ZNF43: variants seen among roughly 807,000 people sequenced by gnomAD.
The protein encoded by ZNF43 is zinc finger protein 43.
A neutral mutation model predicts 68.4 loss-of-function variants in ZNF43; 44 were observed. The observed-to-expected ratio is 0.64, with a 90% CI of 0.51 to 0.83. ZNF43 has a LOEUF of 0.83. Among genes scored for constraint, ZNF43 ranks in the 40% least tolerant of loss-of-function variants. The probability of loss-of-function intolerance (pLI) is 0.00; values close to 1 mark genes in which losing one functional copy is unlikely to be tolerated. For synonymous variants in ZNF43, 308 were observed against 307.8 expected, an observed-to-expected ratio of 1.00 and a Z score of -0.01; for missense variants, 896 against 933.2, an observed-to-expected ratio of 0.96 and a Z score of 0.52.
upstream of ZNF43, among the ~76,000 whole-genome samples, chr19:21,838,377 C>T (rs1480709439): frequency 6.6e-6 from 1 of 150,770 alleles, no homozygotes; most frequent in Non-Finnish European, 1.5e-5. Context: ...ATTGCTACAT[C>T]TTTCAGAATA....
Position 21,807,595 on chromosome 19 carries a change from C to A in ZNF43, c.*12G>T. The A allele has an allele frequency of 1.3e-6, 2 of 1,520,130 alleles. No individual in the cohort carries two copies. Among genetic ancestry groups the A allele is most frequent in the South Asian group, 2.7e-5 (2 of 73,232 alleles). 94.2% of individuals were successfully genotyped at this position (1,520,130 alleles called of 1,614,324 possible). On this transcript the variant is annotated 3_prime_UTR_variant, in exon 4 of 4. Transcript: ENST00000354959. ...CATTCTTTACATTTCTAGAATTTCT[C>A]ACCAGTATAATTTATTTTATGTTTG...
chr19:21,808,638 A>C lies in ZNF43; in HGVS notation c.1399T>G (p.Ser467Ala). The change falls in exon 4 of 4, where the codon TCA (serine) becomes GCA (alanine). Residue 467 changes from serine to alanine, a missense_variant. By Grantham distance (99) the Ser-to-Ala change is moderately conservative. Coordinates refer to ENST00000354959, the MANE Select transcript of ZNF43 (RefSeq NM_003423.4). The stretch of plus-strand genomic sequence containing the variant: ...ATTCTCTTATGTGTAGTAAGGTTTG[A>C]GAACTGGTTAAAGGCTTTGCCACAT... ...EVCGKAFNQF[S>A]NLTTHKRIHT... The C allele has an allele frequency of 1.2e-6, 2 of 1,613,660 alleles. No individual in the cohort carries two copies. Among genetic ancestry groups the C allele is most frequent in the Non-Finnish European group, 1.7e-6 (2 of 1,179,878 alleles).
chr19:21,843,297 T>A, intron 1 of ZNF43: 1 of 900,794 alleles, frequency 1.1e-6, no homozygotes, highest in Non-Finnish European at 1.3e-6. Context: ...TCGCTCACAT[T>A]CTGAGCAGAG....
At chr19:21,839,371 T>TAAAAA (rs1967353783), upstream of ZNF43, among the ~76,000 whole-genome samples, 1 of 105,488 alleles carries the variant, frequency 9.5e-6, no homozygotes. Flanking sequence ...TCACATAACC[T>TAAAAA]AAGAGCTGGG....
chr19:21,834,801 G>A (rs559228727), intron 1 of ZNF43, among the ~76,000 whole-genome samples: 94 of 150,260 alleles, frequency 6.3e-4, no homozygotes, highest in Non-Finnish European at 1.2e-3. Flanking sequence ...AGGAAAGAAA[G>A]AAGAAGGAAA....
At chr19:21,847,779 G>C (rs897868325) in intron 1 of ZNF43, among the ~76,000 whole-genome samples, 1 of 152,110 alleles carries the variant, frequency 6.6e-6, no homozygotes, top group African/African-American at 2.4e-5. Flanking sequence ...GCAGGGTCCA[G>C]AGAAAAGGTG....
At chr19:21,826,204 C>T (rs908302805) in intron 1 of ZNF43, among the ~76,000 whole-genome samples, 7 of 152,108 alleles carry the variant, frequency 4.6e-5, no homozygotes, top group African/African-American at 1.7e-4. Context: ...TAGGGGACAT[C>T]ATACACTTTG....
In ZNF43 at chr19:21,835,887, C is replaced by G. The variant is rs1348992652; in HGVS notation, c.3+149G>C. On this transcript the variant is annotated intron_variant, in intron 1 of 3. Transcript: ENST00000354959. ...AGACAGGACGCCCGGGGCTGCCTCC[C>G]AGAGCAGCCGCCATCTTATGGCTGA... 5 of 1,385,616 alleles carry G rather than the reference C, an allele frequency of 3.6e-6. No individual in the cohort carries two copies. The East Asian group carries it at 1.2e-4, about 32-fold the overall frequency. The allele number at this position is 1,385,616 out of a possible 1,614,324, so 85.8% of individuals were successfully genotyped here.
chr19:21,850,703 G>C (rs1968290429), intron 1 of ZNF43, among the ~76,000 whole-genome samples: 1 of 152,196 alleles, frequency 6.6e-6, no homozygotes, highest in Non-Finnish European at 1.5e-5. Context: ...GCAGGGCTTA[G>C]CAATATGTAA....
chr19:21,807,656 T>A lies in ZNF43; in HGVS notation c.2381A>T (p.Asp794Val). The change falls in exon 4 of 4, where the codon GAT becomes GTT. Residue 794 changes from aspartate (D) to valine (V), a missense_variant. Physicochemically the swap from Asp to Val is radical, Grantham distance 152. Coordinates refer to ENST00000354959, the MANE Select transcript of ZNF43 (RefSeq NM_003423.4). ...HTGEKLYKPE[D>V]VTVILTTPQT... Reference sequence around the variant, plus strand: ...AGGTGTTGTCAAAATCACTGTCACATCTTCAGGTTTGTAGAGTTTCTCTCC... The same window carrying A: ...AGGTGTTGTCAAAATCACTGTCACAACTTCAGGTTTGTAGAGTTTCTCTCC... 1 of 1,579,862 alleles carries A rather than the reference T, an allele frequency of 6.3e-7. No homozygotes were observed. The highest frequency in any genetic ancestry group is 8.6e-7 in the Non-Finnish European group (1 of 1,164,674).
At chr19:21,837,162 T>C (rs950062002), upstream of ZNF43, among the ~76,000 whole-genome samples, 1 of 152,126 alleles carries the variant, frequency 6.6e-6, no homozygotes, top group Admixed American at 6.5e-5. Context: ...GAAACTGATG[T>C]AAAACATAAA....
intron 1 of ZNF43, among the ~76,000 whole-genome samples, chr19:21,819,639 T>C (rs1180313126): frequency 2.6e-5 from 4 of 152,190 alleles, no homozygotes; most frequent in African/African-American, 9.7e-5. Flanking sequence ...ATGAAGATTA[T>C]TTTTTCAGAA....
At chr19:21,835,986 T>C (rs2038706081) in intron 1 of ZNF43, 50 bp downstream of exon 1, 1 of 1,612,628 alleles carries the variant, frequency 6.2e-7, no homozygotes, top group East Asian at 2.2e-5. Context: ...AAGGCCTGAG[T>C]CACGCCACAG....
intron 1 of ZNF43, among the ~76,000 whole-genome samples, chr19:21,819,603 T>C (rs1313875020): frequency 6.6e-6 from 1 of 152,134 alleles, no homozygotes; most frequent in South Asian, 2.1e-4. Context: ...AATATTAAGG[T>C]GTACAATAAA....
chr19:21,820,585 AAAAG>A lies in ZNF43; in HGVS notation c.4-1368_4-1365del, dbSNP rs534244266. On this transcript the variant is annotated intron_variant, in intron 1 of 3. Coordinates refer to ENST00000354959, the MANE Select transcript of ZNF43 (RefSeq NM_003423.4). Reference sequence around the variant, plus strand: ...AGAGAAAGACTCTGTCTCAAAAAAAAAAAGAAAGAAAAAAGGAAAATAATTATTT... The same window carrying A: ...AGAGAAAGACTCTGTCTCAAAAAAAAAAAGAAAAAAGGAAAATAATTATTT... 4.2e-3 allele frequency among the ~76,000 whole-genome samples: 636 copies of A among 151,692 alleles called. 6 individuals carry two copies. Among genetic ancestry groups the A allele is most frequent in the African/African-American group, 0.015 (606 of 41,404 alleles).
chr19:21,847,710 G>C (rs1968057934), intron 1 of ZNF43, among the ~76,000 whole-genome samples: 1 of 149,952 alleles, frequency 6.7e-6, no homozygotes, highest in South Asian at 2.1e-4. Context: ...AAAAAAAAAA[G>C]AAAGTAACAT....
At chr19:21,814,316 T>C (rs752380319) in intron 3 of ZNF43, among the ~76,000 whole-genome samples, 2 of 151,504 alleles carry the variant, frequency 1.3e-5, no homozygotes, top group Non-Finnish European at 2.9e-5. Context: ...AAATAATATA[T>C]ACAAGATAAG....
chr19:21,842,774 G>A (rs1313574870), intron 1 of ZNF43, among the ~76,000 whole-genome samples: 2 of 152,182 alleles, frequency 1.3e-5, no homozygotes, highest in East Asian at 3.9e-4. Flanking sequence ...GACAAAAGGA[G>A]AGTCATATAA....
chr19:21,821,385 T>C (rs2037837996), intron 1 of ZNF43, among the ~76,000 whole-genome samples: 1 of 152,090 alleles, frequency 6.6e-6, no homozygotes, highest in Non-Finnish European at 1.5e-5. Context: ...GCTGTAATTT[T>C]TAATAGTAAT....
Sources: allele counts gnomAD v4.1 joint callset (sites outside exome capture counted in the v4.1 genomes callset), GRCh38; gene constraint gnomAD v4.1.1; transcripts MANE v1.5; gene names NCBI Gene and HGNC (gene_info 2026-07-23, HGNC 2026-07-21).